The following AHCYL2 variants were observed in gnomAD, a reference collection of about 807,000 sequenced individuals.
AHCYL2 encodes S-adenosylhomocysteine hydrolase-like protein 2.
Under a neutral mutation model 81.4 loss-of-function variants are expected in AHCYL2, and 28 were observed. The ratio of observed to expected loss-of-function variants is 0.34; its 90% CI spans 0.25 to 0.47. The LOEUF is 0.47. Ranked by LOEUF, AHCYL2 falls within the 20% of genes least tolerant of loss-of-function variation. The probability of loss-of-function intolerance (pLI) is 1.00; values close to 1 mark genes in which losing one functional copy is unlikely to be tolerated. For missense variants in AHCYL2, 551 were observed against 785.1 expected, an observed-to-expected ratio of 0.70 and a Z score of 3.56; for synonymous variants, 272 against 290.2, an observed-to-expected ratio of 0.94 and a Z score of 0.64.
At chr7:129,245,740 T>C (rs1795032085) in intron 1 of AHCYL2, among the ~76,000 whole-genome samples, 1 of 152,256 alleles carries the variant, frequency 6.6e-6, no homozygotes, top group Non-Finnish European at 1.5e-5. Context: ...CACATTTTGT[T>C]TATTCATTTG....
intron 1 of AHCYL2, among the ~76,000 whole-genome samples, chr7:129,309,088 C>T (rs371224829): frequency 6.6e-6 from 1 of 151,846 alleles, no homozygotes; most frequent in Admixed American, 6.6e-5. Flanking sequence ...AAAAATTAGC[C>T]GGGCGTGGCG....
At chr7:129,247,266 C>T (rs1426944571) in intron 1 of AHCYL2, among the ~76,000 whole-genome samples, 3 of 152,214 alleles carry the variant, frequency 2.0e-5, no homozygotes, top group Non-Finnish European at 2.9e-5. Flanking sequence ...TGATAACCAT[C>T]GAAGCAGTTG....
At chr7:129,341,059 A>G (rs1001213972) in intron 1 of AHCYL2, among the ~76,000 whole-genome samples, 3 of 152,230 alleles carry the variant, frequency 2.0e-5, no homozygotes, top group African/African-American at 7.2e-5. Flanking sequence ...TTATACTGAC[A>G]AAAGACAAAT....
intron 1 of AHCYL2, among the ~76,000 whole-genome samples, chr7:129,273,321 CTTTTTTTTTTTTT>C (rs35236990): frequency 1.3e-5 from 1 of 75,888 alleles, no homozygotes; most frequent in East Asian, 4.8e-4. Flanking sequence ...TTTGCTAAGA[CTTTTTTTTTTTTT>C]TTTTTTTTTT....
intron 1 of AHCYL2, among the ~76,000 whole-genome samples, chr7:129,358,732 A>C (rs1373293377): frequency 2.0e-5 from 3 of 152,214 alleles, no homozygotes; most frequent in African/African-American, 7.2e-5. Flanking sequence ...AAAAATGGTT[A>C]AAGTGGTAAC....
At chr7:129,317,225 A>G (rs192886284) in intron 1 of AHCYL2, among the ~76,000 whole-genome samples, 207 of 152,310 alleles carry the variant, frequency 1.4e-3, no homozygotes, top group African/African-American at 4.7e-3. Flanking sequence ...GCTTGTCTAC[A>G]GAAGCCATCA....
chr7:129,311,313 C>G (rs532422751), intron 1 of AHCYL2, among the ~76,000 whole-genome samples: 1 of 152,098 alleles, frequency 6.6e-6, no homozygotes, highest in East Asian at 1.9e-4. Context: ...AGTAAGAGAC[C>G]TATTAATATG....
At chr7:129,352,025 TATCA>T (rs1296854875) in intron 1 of AHCYL2, among the ~76,000 whole-genome samples, 4 of 128,570 alleles carry the variant, frequency 3.1e-5, no homozygotes, top group Non-Finnish European at 5.0e-5. Flanking sequence ...TTTTATTAAA[TATCA>T]ATCCTGGAGT....
In AHCYL2 at chr7:129,368,412, G is replaced by A. The variant is rs1794207214; in HGVS notation, c.364-11226G>A. 1.2e-6 allele frequency: 2 copies of A among 1,610,518 alleles called. No homozygotes were observed. Among genetic ancestry groups the A allele is most frequent in the Non-Finnish European group, 1.7e-6 (2 of 1,178,020 alleles). The stretch of plus-strand genomic sequence containing the variant: ...TCTGAATCTCACTAGGGTTGGGTCT[G>A]CTTTGGGGCACTCAGATAACCCCAG... On this transcript the variant is annotated intron_variant, in intron 1 of 16. Coordinates refer to ENST00000325006, the MANE Select transcript of AHCYL2 (RefSeq NM_015328.4). The surrounding 1 kb of genome is among the most constrained non-coding windows in gnomAD (Gnocchi z 4.4).
chr7:129,233,159 C>T (rs572264239), intron 1 of AHCYL2, among the ~76,000 whole-genome samples: 2 of 152,172 alleles, frequency 1.3e-5, no homozygotes, highest in Non-Finnish European at 2.9e-5. Context: ...CAGCTCACTG[C>T]GAATTATTTC....
At chr7:129,330,234 G>C (rs1798369868) in intron 1 of AHCYL2, among the ~76,000 whole-genome samples, 1 of 152,190 alleles carries the variant, frequency 6.6e-6, no homozygotes, top group South Asian at 2.1e-4. Context: ...CTGGCCTCTA[G>C]TGATCCTCTC....
chr7:129,256,549 A>ACCCCC (rs58653086), intron 1 of AHCYL2, among the ~76,000 whole-genome samples: 27 of 63,738 alleles, frequency 4.2e-4, no homozygotes, highest in African/African-American at 1.2e-3. Flanking sequence ...CCCACCCCCC[A>ACCCCC]CCCCCCCCCC....
At position 129,251,398 on chromosome 7, in the gene AHCYL2, T is replaced by G. The variant is rs141295323; in HGVS notation, c.363+25959T>G. On this transcript the variant is annotated intron_variant, in intron 1 of 16. Coordinates refer to ENST00000325006, the MANE Select transcript of AHCYL2 (RefSeq NM_015328.4). ...TGATGCTTGTGTGAAGAGAAGTGATTAGTGTAAACTGGCTTTGCTTTAGGG... is the reference window on the plus strand; with the variant it reads ...TGATGCTTGTGTGAAGAGAAGTGATGAGTGTAAACTGGCTTTGCTTTAGGG... Among the ~76,000 whole-genome samples the G allele has an allele frequency of 2.2e-4, 33 of 151,764 alleles. No individual in the cohort carries two copies. The East Asian group carries it at 2.9e-3, about 13-fold the overall frequency.
chr7:129,361,560 T>C (rs965915133), intron 1 of AHCYL2, among the ~76,000 whole-genome samples: 6 of 152,122 alleles, frequency 3.9e-5, no homozygotes, highest in African/African-American at 1.2e-4. Flanking sequence ...GAAGAGAAAA[T>C]GGATTTGGGT....
Position 129,368,656 on chromosome 7 carries a change from C to T in AHCYL2, c.364-10982C>T, listed in dbSNP as rs1794221564. ...ACCTCTGAGAAGCTCCTACCAAGAT[C>T]CGTGGTTGGAAAAACAGTTATTACT... On this transcript the variant is annotated intron_variant, in intron 1 of 16. Coordinates refer to ENST00000325006, the MANE Select transcript of AHCYL2 (RefSeq NM_015328.4). This position sits in a 1 kb window ranked among gnomAD's most constrained non-coding sequence, Gnocchi z 4.4. 7.3e-7 allele frequency: 1 copy of T among 1,377,770 alleles called. No individual in the cohort carries two copies. Among genetic ancestry groups the T allele is most frequent in the East Asian group, 2.3e-5 (1 of 43,180 alleles). The allele number at this position is 1,377,770 out of a possible 1,614,324, so 85.3% of individuals were successfully genotyped here.
In AHCYL2 at chr7:129,307,110, C is replaced by T. The variant is rs528625314; in HGVS notation, c.364-72528C>T. 2.6e-4 allele frequency among the ~76,000 whole-genome samples: 39 copies of T among 152,240 alleles called. No individual in the cohort carries two copies. The South Asian group carries it at 3.5e-3, about 14-fold the overall frequency. On this transcript the variant is annotated intron_variant, in intron 1 of 16. Transcript: ENST00000325006. ...TGCTGTGACCACTACCTGGCTGCTG[C>T]GTATGTTCACTCAAGGCCTTAGGGC...
intron 1 of AHCYL2, chr7:129,375,645 T>A: frequency 7.3e-7 from 1 of 1,366,826 alleles, no homozygotes. Flanking sequence ...GAATTAGGAA[T>A]GGCTGTTGAG....
intron 1 of AHCYL2, among the ~76,000 whole-genome samples, chr7:129,254,802 T>C (rs1795355687): frequency 2.6e-5 from 4 of 152,296 alleles, no homozygotes; most frequent in Admixed American, 2.6e-4. Context: ...CTATTGTCTC[T>C]GAGGGTAGGT....
At chr7:129,262,267 G>A (rs1795668644) in intron 1 of AHCYL2, among the ~76,000 whole-genome samples, 1 of 152,086 alleles carries the variant, frequency 6.6e-6, no homozygotes, top group Non-Finnish European at 1.5e-5. Flanking sequence ...AATAAGACAG[G>A]GATTTATGCT....
Sources: allele counts gnomAD v4.1 joint callset (sites outside exome capture counted in the v4.1 genomes callset), GRCh38; gene constraint gnomAD v4.1.1; non-coding constraint Gnocchi (gnomAD v3.1); transcripts MANE v1.5; gene names NCBI Gene and HGNC (gene_info 2026-07-23, HGNC 2026-07-21).